The following RAB3IP variants were observed in gnomAD, a reference collection of about 807,000 sequenced individuals.
The protein encoded by RAB3IP is RAB3A interacting protein, also known as rab-3A-interacting protein.
A neutral mutation model predicts 59.1 loss-of-function variants in RAB3IP; 36 were observed. That is an observed-to-expected ratio of 0.61 (90% CI 0.47 to 0.80). The LOEUF (loss-of-function observed/expected upper bound fraction) is 0.80, where lower values mean the gene tolerates loss of function less well. RAB3IP is among the 30% of genes least tolerant of loss of function. The probability of loss-of-function intolerance (pLI) is 0.00; values close to 1 mark genes in which losing one functional copy is unlikely to be tolerated. For synonymous variants in RAB3IP, 207 were observed against 191.2 expected, an observed-to-expected ratio of 1.08 and a Z score of -0.68; for missense variants, 511 against 536.0, an observed-to-expected ratio of 0.95 and a Z score of 0.46.
At chr12:69,791,610 A>G (rs1876630247) in intron 4 of RAB3IP, among the ~76,000 whole-genome samples, 1 of 152,184 alleles carries the variant, frequency 6.6e-6, no homozygotes, top group Non-Finnish European at 1.5e-5. Flanking sequence ...GTCACTCCCC[A>G]ATGAGATAGC....
intron 5 of RAB3IP, 26 bp downstream of exon 5, chr12:69,794,540 A>T: frequency 6.4e-7 from 1 of 1,558,922 alleles, no homozygotes; most frequent in South Asian, 1.2e-5. Context: ...TCTTAATAGT[A>T]TAAAATAAAT....
intron 1 of RAB3IP, among the ~76,000 whole-genome samples, chr12:69,740,681 C>T (rs1231527784): frequency 6.6e-6 from 1 of 152,136 alleles, no homozygotes; most frequent in African/African-American, 2.4e-5. Context: ...GTGCAGTTAT[C>T]CATATGTTTC....
chr12:69,804,031 GTCAAATGGTATTTCTAGT>G (rs1359311601), intron 8 of RAB3IP, among the ~76,000 whole-genome samples: 1 of 152,086 alleles, frequency 6.6e-6, no homozygotes. Context: ...GGATGGCTGG[GTCAAATGGTATTTCTAGT>G]TCTAGATCCC....
intron 1 of RAB3IP, among the ~76,000 whole-genome samples, chr12:69,752,563 C>A (rs1006418643): frequency 6.6e-6 from 1 of 151,954 alleles, no homozygotes; most frequent in Non-Finnish European, 1.5e-5. Context: ...AGGATAAAGC[C>A]CCAGGAGTGG....
At chr12:69,780,609 A>G (rs774062319) in intron 3 of RAB3IP, among the ~76,000 whole-genome samples, 32 of 152,214 alleles carry the variant, frequency 2.1e-4, no homozygotes, top group Non-Finnish European at 4.0e-4. Flanking sequence ...CAGACAGACA[A>G]ATCATTCCTG....
chr12:69,755,127 G>A (rs1399579611), intron 1 of RAB3IP, among the ~76,000 whole-genome samples: 1 of 152,050 alleles, frequency 6.6e-6, no homozygotes, highest in East Asian at 1.9e-4. Context: ...TGTCACCCAG[G>A]CTGGAGTGCA....
At position 69,816,011 on chromosome 12, in the gene RAB3IP, T is replaced by C. The variant is rs889336606; in HGVS notation, c.*565T>C. On this transcript the variant is annotated 3_prime_UTR_variant, in exon 11 of 11. Coordinates refer to ENST00000247833, the MANE Select transcript of RAB3IP (RefSeq NM_022456.5). The stretch of plus-strand genomic sequence containing the variant: ...ATTCTGCTCTCTGTAACTGAAAGAA[T>C]CCCTTTATTTTGGTTATTCATTAAA... The C allele has an allele frequency of 1.3e-5, 2 of 152,572 alleles. No homozygotes were observed. The highest frequency in any genetic ancestry group is 4.8e-5 in the African/African-American group (2 of 41,464). 9.5% of individuals were successfully genotyped at this position (152,572 alleles called of 1,614,324 possible).
chr12:69,767,065 A>C (rs2136162079), intron 3 of RAB3IP, among the ~76,000 whole-genome samples: 1 of 152,292 alleles, frequency 6.6e-6, no homozygotes, highest in South Asian at 2.1e-4. Flanking sequence ...ATCATGCCAG[A>C]ATTCTTCCAC....
At chr12:69,803,725 C>A (rs936855808) in intron 8 of RAB3IP, among the ~76,000 whole-genome samples, 9 of 152,028 alleles carry the variant, frequency 5.9e-5, no homozygotes, top group African/African-American at 1.7e-4. Flanking sequence ...TCAGTTCCCA[C>A]CTATGAGTGA....
Position 69,781,900 on chromosome 12 carries a change from C to T in RAB3IP, c.511-2820C>T, listed in dbSNP as rs575878366. On this transcript the variant is annotated intron_variant, in intron 3 of 10. Transcript: ENST00000247833. ...TTAGGCAAATACCAACAAGTGTGAT[C>T]GCTGGATCCCATGATAAGAGTATGG... is the stretch of plus-strand genomic sequence containing the variant. Among the ~76,000 whole-genome samples the T allele has an allele frequency of 3.9e-5, 6 of 152,166 alleles. No homozygotes were observed. In the East Asian group the frequency reaches 9.6e-4, roughly 24 times the overall value.
chr12:69,760,186 C>T (rs955262365), intron 3 of RAB3IP, among the ~76,000 whole-genome samples: 6 of 152,334 alleles, frequency 3.9e-5, no homozygotes, highest in Non-Finnish European at 5.9e-5. Context: ...GAGACCAGCC[C>T]GGCCAACACA....
At chr12:69,760,809 C>T (rs1871193336) in intron 3 of RAB3IP, among the ~76,000 whole-genome samples, 1 of 151,942 alleles carries the variant, frequency 6.6e-6, no homozygotes, top group Admixed American at 6.5e-5. Flanking sequence ...TAGGTCTTTT[C>T]TCTCTGGCTG....
intron 3 of RAB3IP, among the ~76,000 whole-genome samples, chr12:69,770,721 A>G (rs1316046211): frequency 1.3e-5 from 2 of 152,212 alleles, no homozygotes; most frequent in Non-Finnish European, 2.9e-5. Flanking sequence ...TTTAACTGAC[A>G]GGTAGTAATT....
At chr12:69,787,346 A>G (rs1444669508) in intron 4 of RAB3IP, among the ~76,000 whole-genome samples, 1 of 152,154 alleles carries the variant, frequency 6.6e-6, no homozygotes, top group African/African-American at 2.4e-5. Context: ...TTACATGGAG[A>G]AAAAAAGATA....
chr12:69,766,852 G>A (rs1331194878), intron 3 of RAB3IP, among the ~76,000 whole-genome samples: 4 of 152,156 alleles, frequency 2.6e-5, no homozygotes, highest in African/African-American at 4.8e-5. Flanking sequence ...TTTTGAATAT[G>A]TTTATTTCTT....
chr12:69,759,911 G>C (rs1472243771), intron 3 of RAB3IP, among the ~76,000 whole-genome samples: 1 of 151,546 alleles, frequency 6.6e-6, no homozygotes, highest in African/African-American at 2.4e-5. Flanking sequence ...CGGCTGGACA[G>C]AGGCGCTCCC....
chr12:69,812,716 T>C, intron 8 of RAB3IP, 62 bp from the exon 9 acceptor site: 1 of 1,104,638 alleles, frequency 9.1e-7, no homozygotes, highest in Non-Finnish European at 1.3e-6. Flanking sequence ...AGGCAACTTG[T>C]ACAGAAGGTA....
Position 69,815,555 on chromosome 12 carries a change from C to A in RAB3IP, c.*109C>A, listed in dbSNP as rs1881048093. 2.6e-6 allele frequency: 2 copies of A among 764,916 alleles called. No homozygotes were observed. The highest frequency in any genetic ancestry group is 2.3e-5 in the Admixed American group (1 of 43,452). The allele number at this position is 764,916 out of a possible 1,614,324, so 47.4% of individuals were successfully genotyped here. A position where few individuals can be genotyped will look rare whatever the true frequency, so the allele number is the denominator to read the frequency against. On this transcript the variant is annotated 3_prime_UTR_variant, in exon 11 of 11. Transcript: ENST00000247833. Reference sequence around the variant, plus strand: ...AAGGAGTGAGCCTAAGACTTTTTTCCCCTTTTGCAAATTGCTCTAAGAAGT... The same window carrying A: ...AAGGAGTGAGCCTAAGACTTTTTTCACCTTTTGCAAATTGCTCTAAGAAGT...
chr12:69,771,578 T>C (rs1325596007), intron 3 of RAB3IP, among the ~76,000 whole-genome samples: 7 of 152,074 alleles, frequency 4.6e-5, no homozygotes, highest in African/African-American at 1.4e-4. Context: ...TAATTCCATG[T>C]CTTAGCTTTT....
Sources: gnomAD v4.1 joint callset for allele counts (sites outside exome capture counted in the v4.1 genomes callset) on GRCh38, gnomAD v4.1.1 for gene constraint, MANE v1.5 for transcripts, NCBI Gene and HGNC (gene_info 2026-07-23, HGNC 2026-07-21) for gene names.